The following GJA3 variants were observed in gnomAD, a reference collection of about 807,000 sequenced individuals.
GJA3 encodes the protein gap junction protein alpha 3.
For missense variants in GJA3, 571 were observed against 620.3 expected (o/e 0.92, Z 0.84); for synonymous variants, 297 against 292.6 (o/e 1.02, Z -0.15).
At chr13:20,160,207 G>A (rs1455768943) in intron 1 of GJA3, among the ~76,000 whole-genome samples, 1 of 152,062 alleles carries the variant, frequency 6.6e-6, no homozygotes, top group Non-Finnish European at 1.5e-5. Flanking sequence ...GAAGGGGCTC[G>A]GACAGTGCTT....
chr13:20,144,234 G>C (rs776010534), intron 1 of GJA3, among the ~76,000 whole-genome samples: 1 of 152,342 alleles, frequency 6.6e-6, no homozygotes, highest in South Asian at 2.1e-4. Context: ...TCTAGGCAGA[G>C]CTGAAGGGGT....
intron 1 of GJA3, among the ~76,000 whole-genome samples, chr13:20,159,918 G>T (rs1958927642): frequency 1.3e-5 from 2 of 152,098 alleles, no homozygotes; most frequent in Admixed American, 6.6e-5. Context: ...TGGATGGACC[G>T]CCAGTGAAGT....
At position 20,142,286 on chromosome 13, in the gene GJA3, G is replaced by A; in HGVS notation, c.1003C>T (p.Arg335Trp). 6.4e-7 allele frequency: 1 copy of A among 1,568,406 alleles called. No homozygotes were observed. The highest frequency in any genetic ancestry group is 8.6e-7 in the Non-Finnish European group (1 of 1,159,504). ...EQNWANQAAE[R>W]QPPALKAYPA... The stretch of plus-strand genomic sequence containing the variant: ...TAAGCCTTGAGCGCCGGGGGCTGCC[G>A]CTCGGCCGCCTGGTTGGCCCAGTTC... Residue 335 changes from arginine to tryptophan, a missense_variant, in exon 2 of 2, where the codon CGG (arginine) becomes TGG (tryptophan). Coordinates refer to ENST00000241125, the MANE Select transcript of GJA3 (RefSeq NM_021954.4).
At chr13:20,160,533 C>T (rs12429219) in intron 1 of GJA3, among the ~76,000 whole-genome samples, 5,526 of 152,278 alleles carry the variant, frequency 0.036, 208 homozygotes, top group Admixed American at 0.12. Flanking sequence ...AGCCCGGCTT[C>T]CTCCACCCGA....
chr13:20,147,114 G>A (rs1477929159), intron 1 of GJA3, among the ~76,000 whole-genome samples: 4 of 152,234 alleles, frequency 2.6e-5, no homozygotes, highest in African/African-American at 9.6e-5. Context: ...TGGTACTTGT[G>A]CTGTCCTTTC....
chr13:20,159,179 A>G (rs1393139862), intron 1 of GJA3, among the ~76,000 whole-genome samples: 2 of 152,050 alleles, frequency 1.3e-5, no homozygotes, highest in African/African-American at 4.8e-5. Flanking sequence ...ATTATTACCT[A>G]TTGTGTGTGG....
At chr13:20,148,792 G>A (rs1052473080) in intron 1 of GJA3, among the ~76,000 whole-genome samples, 1 of 152,326 alleles carries the variant, frequency 6.6e-6, no homozygotes, top group African/African-American at 2.4e-5. Context: ...GGAGGCCCCC[G>A]GTGTGATCGC....
At chr13:20,149,814 TG>T (rs1167867791) in intron 1 of GJA3, among the ~76,000 whole-genome samples, 1 of 152,224 alleles carries the variant, frequency 6.6e-6, no homozygotes, top group Non-Finnish European at 1.5e-5. Flanking sequence ...AGCCAGGCTG[TG>T]GCCATACTCT....
intron 1 of GJA3, among the ~76,000 whole-genome samples, chr13:20,148,628 C>T (rs1958858230): frequency 6.6e-6 from 1 of 152,078 alleles, no homozygotes; most frequent in African/African-American, 2.4e-5. Flanking sequence ...GCACATGTGT[C>T]GCAGAAAGAC....
rs1318430182 is a variant in GJA3, at chr13:20,142,947, C to T, written c.342G>A (p.Gln114=). The T allele has an allele frequency of 4.4e-6, 7 of 1,576,744 alleles. No individual in the cohort carries two copies. Among genetic ancestry groups the T allele is most frequent in the South Asian group, 3.4e-5 (3 of 87,088 alleles). Residue 114 remains glutamine, a synonymous_variant, in exon 2 of 2, where the codon CAG becomes CAA. Coordinates refer to ENST00000241125, the MANE Select transcript of GJA3 (RefSeq NM_021954.4). ...EKKKEREEEE[Q]LKRESPSPKE... The stretch of plus-strand genomic sequence containing the variant: ...TGGGGCTGGGGCTCTCTCTCTTCAG[C>T]TGCTCCTCCTCCTCCCTCTCTTTCT...
At position 20,141,985 on chromosome 13, in the gene GJA3, A is replaced by G. The variant is rs1958809676; in HGVS notation, c.1304T>C (p.Ile435Thr). The G allele has an allele frequency of 4.5e-6, 7 of 1,550,182 alleles. No homozygotes were observed. The highest frequency in any genetic ancestry group is 6.1e-6 in the Non-Finnish European group (7 of 1,146,760). ...CTGGAGGCAGGCACCCGGGCACTAG[A>G]TGGCCAAGTCCTCCGGTCTGGCCCG... Reference protein sequence around the residue: ...SGRARPEDLAI With the variant: ...SGRARPEDLAT Residue 435 changes from isoleucine (I) to threonine (T), a missense_variant, in exon 2 of 2, where the codon ATC becomes ACC. Transcript: ENST00000241125.
chr13:20,144,280 C>A (rs547922654), intron 1 of GJA3, among the ~76,000 whole-genome samples: 6 of 152,278 alleles, frequency 3.9e-5, no homozygotes, highest in Middle Eastern at 3.4e-3. Context: ...TGGGGTGAAC[C>A]GAGCTTGAGG....
chr13:20,143,363 A>T, intron 1 of GJA3, 58 bp from the exon 2 acceptor site: 2 of 1,274,928 alleles, frequency 1.6e-6, no homozygotes, highest in Non-Finnish European at 2.1e-6. Flanking sequence ...CCGGGTCCGC[A>T]CCCATGGGCG....
intron 1 of GJA3, among the ~76,000 whole-genome samples, chr13:20,148,447 C>T (rs942196010): frequency 2.0e-5 from 3 of 151,898 alleles, no homozygotes; most frequent in Non-Finnish European, 2.9e-5. Context: ...TTTGTAGAGA[C>T]GAGGTCTTGT....
chr13:20,138,268 G>T lies in GJA3; in HGVS notation c.*3713C>A, dbSNP rs959858239. The T allele has an allele frequency of 1.3e-5, 2 of 152,136 alleles. No homozygotes were observed. The highest frequency in any genetic ancestry group is 2.9e-5 in the Non-Finnish European group (2 of 68,040). The allele number at this position is 152,136 out of a possible 1,614,324, so 9.4% of individuals were successfully genotyped here. On this transcript the variant is annotated 3_prime_UTR_variant, in exon 2 of 2. Transcript: ENST00000241125. Reference sequence around the variant, plus strand: ...CAGAACTAGTGGTTTAAACTTAAGGGCACTTTTATTATTTTAGAAAATGCT... The same window carrying T: ...CAGAACTAGTGGTTTAAACTTAAGGTCACTTTTATTATTTTAGAAAATGCT...
intron 1 of GJA3, among the ~76,000 whole-genome samples, chr13:20,152,766 TTAAG>T (rs1467971367): frequency 7.9e-5 from 12 of 152,206 alleles, no homozygotes; most frequent in African/African-American, 2.7e-4. Flanking sequence ...TAATTTTGTA[TTAAG>T]TGTTTGTGAT....
At chr13:20,159,692 ACT>A (rs1053486152) in intron 1 of GJA3, among the ~76,000 whole-genome samples, 2 of 152,162 alleles carry the variant, frequency 1.3e-5, no homozygotes, top group Non-Finnish European at 2.9e-5. Context: ...AAGAAACAGT[ACT>A]GTCTGATTTG....
chr13:20,151,016 G>C (rs1190703885), intron 1 of GJA3, among the ~76,000 whole-genome samples: 1 of 151,884 alleles, frequency 6.6e-6, no homozygotes, highest in Non-Finnish European at 1.5e-5. Flanking sequence ...GGAAAGGAGA[G>C]AGCATGGGCA....
At position 20,143,539 on chromosome 13, in the gene GJA3, CAGAAGAGAAAA is replaced by C. The variant is rs1213486301; in HGVS notation, c.-17-245_-17-235del. Among the ~76,000 whole-genome samples, 931 of 152,338 alleles carry C rather than the reference CAGAAGAGAAAA, an allele frequency of 6.1e-3. 11 individuals are homozygous for C. The highest frequency in any genetic ancestry group is 0.021 in the African/African-American group (872 of 41,578). ...ATTTCAGAGAGGAGGAAGCCAGAGC[CAGAAGAGAAAA>C]TGCCCTCCTCTGGCCTCCAGACTGC... On this transcript the variant is annotated intron_variant, in intron 1 of 1. Coordinates refer to ENST00000241125, the MANE Select transcript of GJA3 (RefSeq NM_021954.4).
Sources: gnomAD v4.1 joint callset for allele counts (sites outside exome capture counted in the v4.1 genomes callset) on GRCh38, gnomAD v4.1.1 for gene constraint, MANE v1.5 for transcripts, NCBI Gene and HGNC (gene_info 2026-07-23, HGNC 2026-07-21) for gene names.